Variants in DLGAP2 observed in about 807,000 individuals in gnomAD.
DLGAP2 encodes the protein DLG associated protein 2, also known as disks large-associated protein 2.
A neutral mutation model predicts 100.3 loss-of-function variants in DLGAP2; 26 were observed. The observed-to-expected ratio is 0.26, with a 90% CI of 0.19 to 0.36. The LOEUF (loss-of-function observed/expected upper bound fraction) is 0.36. DLGAP2 is among the 10% of genes least tolerant of loss of function. The pLI, the probability that DLGAP2 is intolerant of heterozygous loss-of-function variation, is 1.00. For synonymous variants in DLGAP2, 886 were observed against 630.1 expected, an observed-to-expected ratio of 1.41 and a Z score of -6.08; for missense variants, 1,858 against 1,453.2, an observed-to-expected ratio of 1.28 and a Z score of -4.53.
At chr8:952,374 T>G (rs1799502320) in intron 2 of DLGAP2, among the ~76,000 whole-genome samples, 1 of 152,228 alleles carries the variant, frequency 6.6e-6, no homozygotes, top group African/African-American at 2.4e-5. Flanking sequence ...TTCAAATTAT[T>G]TAGTGCTTCA....
chr8:1,684,676 A>T (rs1282283132), intron 12 of DLGAP2, among the ~76,000 whole-genome samples: 7 of 152,148 alleles, frequency 4.6e-5, no homozygotes, highest in Admixed American at 1.3e-4. Context: ...CAGGCTGCCT[A>T]TTGTTAATAA....
chr8:1,119,989 C>CT (rs1795997466), intron 2 of DLGAP2, among the ~76,000 whole-genome samples: 2 of 152,176 alleles, frequency 1.3e-5, no homozygotes, highest in Admixed American at 1.3e-4. Context: ...GGACTCAGCA[C>CT]TTTTAGGGCT....
At chr8:1,153,506 G>A (rs1227265567) in intron 2 of DLGAP2, among the ~76,000 whole-genome samples, 2 of 152,068 alleles carry the variant, frequency 1.3e-5, no homozygotes, top group Admixed American at 1.3e-4. Flanking sequence ...ATGAATCCAG[G>A]AACACATTCT....
chr8:777,335 A>G (rs1821550226), intron 1 of DLGAP2, among the ~76,000 whole-genome samples: 1 of 151,988 alleles, frequency 6.6e-6, no homozygotes, highest in African/African-American at 2.4e-5. Flanking sequence ...TAATTGGAGC[A>G]TTTAGTCCAT....
At chr8:1,651,987 C>T (rs1384456390) in intron 8 of DLGAP2, among the ~76,000 whole-genome samples, 1 of 152,204 alleles carries the variant, frequency 6.6e-6, no homozygotes, top group Non-Finnish European at 1.5e-5. Context: ...CAGGCACCTA[C>T]ACAGCTCGTT....
intron 3 of DLGAP2, among the ~76,000 whole-genome samples, chr8:1,274,934 T>C (rs1329473920): frequency 1.3e-5 from 2 of 152,162 alleles, no homozygotes; most frequent in East Asian, 3.9e-4. Context: ...GTGCTAGGAA[T>C]TGCGGCAGCC....
intron 3 of DLGAP2, among the ~76,000 whole-genome samples, chr8:1,387,519 C>T (rs1008785879): frequency 1.1e-4 from 16 of 152,084 alleles, no homozygotes; most frequent in Admixed American, 5.2e-4. Flanking sequence ...TGGAGAAGGA[C>T]GGTGGTCGTG....
At chr8:906,758 G>C (rs1365256233) in intron 1 of DLGAP2, among the ~76,000 whole-genome samples, 2 of 152,202 alleles carry the variant, frequency 1.3e-5, no homozygotes, top group Admixed American at 6.5e-5. Context: ...CACACAGGCA[G>C]CTCTGTGCAC....
chr8:778,224 G>C (rs1302582831), intron 1 of DLGAP2, among the ~76,000 whole-genome samples: 1 of 151,910 alleles, frequency 6.6e-6, no homozygotes, highest in Non-Finnish European at 1.5e-5. Flanking sequence ...TCTCTGTATT[G>C]GTTATTCTAG....
chr8:983,946 A>G (rs1179190085), intron 2 of DLGAP2, among the ~76,000 whole-genome samples: 1 of 152,264 alleles, frequency 6.6e-6, no homozygotes, highest in East Asian at 1.9e-4. Flanking sequence ...GACTGAGGTA[A>G]CATTGCTAAT....
chr8:1,090,930 G>A (rs1039581944), intron 2 of DLGAP2, among the ~76,000 whole-genome samples: 1 of 152,170 alleles, frequency 6.6e-6, no homozygotes, highest in Non-Finnish European at 1.5e-5. Flanking sequence ...CAGTGGCTTG[G>A]AGTACTTAGC....
chr8:852,926 C>A (rs1344441866), intron 1 of DLGAP2, among the ~76,000 whole-genome samples: 2 of 152,210 alleles, frequency 1.3e-5, no homozygotes, highest in African/African-American at 4.8e-5. Flanking sequence ...TTTGGTAAAA[C>A]TGGCTGTTCT....
chr8:874,560 A>G (rs1563074103), intron 1 of DLGAP2, among the ~76,000 whole-genome samples: 2 of 152,234 alleles, frequency 1.3e-5, no homozygotes, highest in Non-Finnish European at 2.9e-5. Flanking sequence ...TTGTGATTAG[A>G]GAAAACAATT....
chr8:1,548,969 G>A lies in DLGAP2; in HGVS notation c.516G>A (p.Thr172=), dbSNP rs368834607. The A allele has an allele frequency of 1.1e-5, 17 of 1,598,876 alleles. No individual in the cohort carries two copies. In the Admixed American group the frequency reaches 2.3e-4, roughly 22 times the overall value. ...PRMHYSSHYD[T]RDDCAVAHAG... ...TGCACTACAGCTCGCACTACGACAC[G>A]CGCGACGACTGCGCTGTGGCCCACG... Residue 172 remains threonine, a synonymous_variant, in exon 5 of 15, where the codon ACG becomes ACA. Coordinates refer to ENST00000637795, the MANE Select transcript of DLGAP2 (RefSeq NM_001346810.2).
intron 1 of DLGAP2, among the ~76,000 whole-genome samples, chr8:837,963 G>A (rs1442727078): frequency 6.7e-6 from 1 of 149,602 alleles, no homozygotes; most frequent in Non-Finnish European, 1.5e-5. Flanking sequence ...CTGAGCTCAA[G>A]TGATCTGCCT....
chr8:1,641,203 C>T (rs1391084439), intron 8 of DLGAP2, among the ~76,000 whole-genome samples: 1 of 152,152 alleles, frequency 6.6e-6, no homozygotes, highest in Non-Finnish European at 1.5e-5. Flanking sequence ...GAATCACGTG[C>T]CTCCCGGTTT....
chr8:1,499,523 G>C (rs1419743965), intron 3 of DLGAP2, among the ~76,000 whole-genome samples: 1 of 152,186 alleles, frequency 6.6e-6, no homozygotes, highest in East Asian at 1.9e-4. Flanking sequence ...ACATGAATGA[G>C]ACCATTCCAG....
chr8:1,357,275 T>C (rs887906457), intron 3 of DLGAP2, among the ~76,000 whole-genome samples: 8 of 152,240 alleles, frequency 5.3e-5, no homozygotes, highest in Admixed American at 5.2e-4. Context: ...AGGGGTGTCC[T>C]TCAGGGCAGT....
chr8:1,253,602 T>C (rs1206505569), intron 2 of DLGAP2, among the ~76,000 whole-genome samples: 1 of 152,204 alleles, frequency 6.6e-6, no homozygotes, highest in African/African-American at 2.4e-5. Flanking sequence ...GCTGGGCGTT[T>C]GCTGTTCACG....
Sources: allele counts gnomAD v4.1 joint callset (sites outside exome capture counted in the v4.1 genomes callset), GRCh38; gene constraint gnomAD v4.1.1; transcripts MANE v1.5; gene names NCBI Gene and HGNC (gene_info 2026-07-23, HGNC 2026-07-21).